The following TMEM132D variants were observed in gnomAD, a reference collection of about 807,000 sequenced individuals.
The protein encoded by TMEM132D is mature OL transmembrane protein.
A neutral mutation model predicts 62.3 loss-of-function variants in TMEM132D; 21 were observed. The ratio of observed to expected loss-of-function variants is 0.34; its 90% CI spans 0.24 to 0.49. The LOEUF (loss-of-function observed/expected upper bound fraction) is 0.49. TMEM132D is among the 20% of genes least tolerant of loss of function. The pLI, the probability that TMEM132D is intolerant of heterozygous loss-of-function variation, is 0.99. For missense variants in TMEM132D, 1,346 were observed against 1,402.8 expected, an observed-to-expected ratio of 0.96 and a Z score of 0.65; for synonymous variants, 621 against 575.6, an observed-to-expected ratio of 1.08 and a Z score of -1.13.
At chr12:129,448,004 C>A (rs193199468) in intron 3 of TMEM132D, among the ~76,000 whole-genome samples, 2 of 152,068 alleles carry the variant, frequency 1.3e-5, no homozygotes, top group Admixed American at 6.6e-5. Context: ...GAAATGAGAT[C>A]GTCTGTGGCG....
chr12:129,179,005 C>T (rs1209643514), intron 5 of TMEM132D, among the ~76,000 whole-genome samples: 1 of 152,188 alleles, frequency 6.6e-6, no homozygotes, highest in Non-Finnish European at 1.5e-5. Context: ...GATCATAAAT[C>T]ATACAGCCAC....
intron 5 of TMEM132D, among the ~76,000 whole-genome samples, chr12:129,088,118 C>CG (rs775433043): frequency 1.0e-4 from 3 of 29,496 alleles, no homozygotes; most frequent in Middle Eastern, 0.028. Context: ...CCTCCCTGAC[C>CG]GGGTGTCCTC....
chr12:129,607,406 G>A (rs1878656435), intron 2 of TMEM132D, among the ~76,000 whole-genome samples: 1 of 152,182 alleles, frequency 6.6e-6, no homozygotes, highest in Admixed American at 6.5e-5. Flanking sequence ...TTCCTACGAA[G>A]GGTTGCTCCC....
intron 1 of TMEM132D, among the ~76,000 whole-genome samples, chr12:129,891,708 T>C (rs1435767940): frequency 6.6e-6 from 1 of 152,254 alleles, no homozygotes; most frequent in Non-Finnish European, 1.5e-5. Context: ...TAGAAAAGTA[T>C]AAATTATGTA....
Position 129,472,785 on chromosome 12 carries a change from T to C in TMEM132D, c.1115+58274A>G, listed in dbSNP as rs543606588. ...AGACGTTCTACTGTGAGTAAAATGC[T>C]ATCAAATAGCATCACATGCTACGGA... On this transcript the variant is annotated intron_variant, in intron 3 of 8. Coordinates refer to ENST00000422113, the MANE Select transcript of TMEM132D (RefSeq NM_133448.3). Among the ~76,000 whole-genome samples, 5 of 152,368 alleles carry C rather than the reference T, an allele frequency of 3.3e-5. No individual in the cohort carries two copies. In the East Asian group the frequency reaches 5.8e-4, roughly 18 times the overall value.
chr12:129,687,697 G>A (rs12316148), intron 2 of TMEM132D, among the ~76,000 whole-genome samples: 7,035 of 152,104 alleles, frequency 0.046, 532 homozygotes, highest in African/African-American at 0.16. Context: ...GTTGGTATAG[G>A]CACTCCTCGC....
At chr12:129,853,230 T>C (rs1873602774) in intron 1 of TMEM132D, 1 of 152,226 alleles carries the variant, frequency 6.6e-6, no homozygotes, top group Non-Finnish European at 1.5e-5. Flanking sequence ...CAGAATCCAC[T>C]CTGGTCTCAA....
At chr12:129,494,695 C>T (rs982994431) in intron 3 of TMEM132D, among the ~76,000 whole-genome samples, 1 of 152,148 alleles carries the variant, frequency 6.6e-6, no homozygotes, top group African/African-American at 2.4e-5. Flanking sequence ...GAGAATGGAA[C>T]ATGATATGTC....
chr12:129,183,144 A>C (rs1244828334), intron 5 of TMEM132D, among the ~76,000 whole-genome samples: 2 of 152,218 alleles, frequency 1.3e-5, no homozygotes, highest in Non-Finnish European at 2.9e-5. Context: ...AAAGCGGGCC[A>C]GGCCACATGG....
intron 1 of TMEM132D, among the ~76,000 whole-genome samples, chr12:129,880,827 T>G (rs765345058): frequency 1.3e-5 from 2 of 151,264 alleles, no homozygotes; most frequent in African/African-American, 4.9e-5. Context: ...AAAGAACAGA[T>G]AGAACAAATA....
intron 3 of TMEM132D, among the ~76,000 whole-genome samples, chr12:129,394,715 A>T (rs897046670): frequency 1.3e-5 from 2 of 152,230 alleles, no homozygotes; most frequent in Admixed American, 1.3e-4. Context: ...ATGTGACACC[A>T]CGCCAGCTCA....
At chr12:129,089,617 G>A (rs1438313759) in intron 5 of TMEM132D, among the ~76,000 whole-genome samples, 1 of 133,652 alleles carries the variant, frequency 7.5e-6, no homozygotes, top group Non-Finnish European at 1.7e-5. Flanking sequence ...CCTCCCTGAC[G>A]GGGGCCTTGC....
intron 2 of TMEM132D, among the ~76,000 whole-genome samples, chr12:129,649,830 A>G (rs1399105387): frequency 6.6e-6 from 1 of 151,140 alleles, no homozygotes; most frequent in Non-Finnish European, 1.5e-5. Context: ...ATATGTGCGT[A>G]TGTGCATGTA....
At chr12:129,596,274 G>A (rs899912752) in intron 2 of TMEM132D, among the ~76,000 whole-genome samples, 1 of 152,170 alleles carries the variant, frequency 6.6e-6, no homozygotes. Context: ...ACACTGGCAG[G>A]TGAGAACAGA....
intron 5 of TMEM132D, among the ~76,000 whole-genome samples, chr12:129,202,157 T>C (rs182436511): frequency 3.3e-4 from 50 of 152,322 alleles, no homozygotes; most frequent in African/African-American, 1.1e-3. Context: ...CACCAGCCTG[T>C]TGGGCTTTTG....
At chr12:129,155,980 C>T (rs570176267) in intron 5 of TMEM132D, among the ~76,000 whole-genome samples, 1 of 151,930 alleles carries the variant, frequency 6.6e-6, no homozygotes, top group East Asian at 2.0e-4. Flanking sequence ...TAACCCATCC[C>T]CAAGATAAGT....
chr12:129,677,883 T>C (rs1880673279), intron 2 of TMEM132D, among the ~76,000 whole-genome samples: 1 of 151,722 alleles, frequency 6.6e-6, no homozygotes, highest in Non-Finnish European at 1.5e-5. Flanking sequence ...TGGTCCATTA[T>C]CCATGAACAT....
intron 4 of TMEM132D, among the ~76,000 whole-genome samples, chr12:129,216,922 C>G (rs1266572660): frequency 6.6e-6 from 1 of 152,180 alleles, no homozygotes; most frequent in African/African-American, 2.4e-5. Flanking sequence ...TCTTATCGGT[C>G]TTAAGCCAAA....
chr12:129,386,854 A>G (rs1593360208), intron 3 of TMEM132D, among the ~76,000 whole-genome samples: 2 of 151,862 alleles, frequency 1.3e-5, no homozygotes, highest in East Asian at 1.9e-4. Flanking sequence ...CAACACCGAC[A>G]CCACCAATGC....
Sources: gnomAD v4.1 joint callset for allele counts (sites outside exome capture counted in the v4.1 genomes callset) on GRCh38, gnomAD v4.1.1 for gene constraint, MANE v1.5 for transcripts, NCBI Gene and HGNC (gene_info 2026-07-23, HGNC 2026-07-21) for gene names.